CWC27: variants seen among roughly 807,000 people sequenced by gnomAD.
The protein encoded by CWC27 is spliceosome-associated protein CWC27 homolog.
In CWC27, 47 loss-of-function variants were observed where a neutral mutation model predicts 63.6. The observed-to-expected ratio is 0.74, with a 90% CI of 0.58 to 0.94. The LOEUF is 0.94. Among genes scored for constraint, CWC27 ranks in the 40% least tolerant of loss-of-function variants. The pLI, the probability that CWC27 is intolerant of heterozygous loss-of-function variation, is 0.00. For missense variants in CWC27, 495 were observed against 554.3 expected, an observed-to-expected ratio of 0.89 and a Z score of 1.07; for synonymous variants, 175 against 179.8, an observed-to-expected ratio of 0.97 and a Z score of 0.22.
chr5:64,963,688 AG>A (rs1159897879), intron 11 of CWC27, among the ~76,000 whole-genome samples: 2 of 152,200 alleles, frequency 1.3e-5, no homozygotes, highest in African/African-American at 4.8e-5. Context: ...CATGCAGTCC[AG>A]GTGGAATCTT....
chr5:64,792,996 A>T (rs951753473), intron 7 of CWC27, among the ~76,000 whole-genome samples: 1 of 152,156 alleles, frequency 6.6e-6, no homozygotes, highest in Admixed American at 6.6e-5. Flanking sequence ...AATATACTAT[A>T]CATTATAACT....
intron 11 of CWC27, among the ~76,000 whole-genome samples, chr5:64,930,836 A>G (rs924998462): frequency 9.9e-5 from 15 of 152,154 alleles, no homozygotes; most frequent in African/African-American, 2.7e-4. Context: ...AGAACATACA[A>G]TCACTTGTGT....
chr5:64,969,689 T>C (rs2112440465), intron 11 of CWC27, among the ~76,000 whole-genome samples: 1 of 151,648 alleles, frequency 6.6e-6, no homozygotes, highest in South Asian at 2.1e-4. Context: ...AAATATGATT[T>C]GTCCTCAAGG....
chr5:64,948,810 C>T (rs1242506379), intron 11 of CWC27, among the ~76,000 whole-genome samples: 1 of 151,922 alleles, frequency 6.6e-6, no homozygotes, highest in Non-Finnish European at 1.5e-5. Flanking sequence ...TCAAGAGACT[C>T]TTCCTCATTG....
chr5:64,946,146 T>A (rs1027759646), intron 11 of CWC27, among the ~76,000 whole-genome samples: 19 of 152,148 alleles, frequency 1.2e-4, no homozygotes, highest in Non-Finnish European at 1.9e-4. Context: ...GCTAATTAGA[T>A]TTGTAATTTT....
At chr5:64,796,875 C>T (rs1290354422) in intron 7 of CWC27, among the ~76,000 whole-genome samples, 2 of 140,352 alleles carry the variant, frequency 1.4e-5, no homozygotes, top group Non-Finnish European at 3.1e-5. Flanking sequence ...CTCCTTCCTT[C>T]CTTCTTTCCT....
At chr5:64,986,812 A>C (rs1411680511) in intron 13 of CWC27, among the ~76,000 whole-genome samples, 1 of 152,128 alleles carries the variant, frequency 6.6e-6, no homozygotes, top group Non-Finnish European at 1.5e-5. Flanking sequence ...CATTTGTTCC[A>C]GGTAAGCTGA....
At chr5:64,774,619 C>G in intron 1 of CWC27, 72 bp from the exon 2 acceptor site, 1 of 884,130 alleles carries the variant, frequency 1.1e-6, no homozygotes. Flanking sequence ...GTGATTGCTA[C>G]AAGTCAAATA....
chr5:64,836,520 A>T (rs1745661475), intron 10 of CWC27, among the ~76,000 whole-genome samples: 1 of 152,004 alleles, frequency 6.6e-6, no homozygotes, highest in African/African-American at 2.4e-5. Flanking sequence ...CTGTTTGCAG[A>T]AGTCCCAGGC....
At chr5:64,798,965 G>A (rs1465575348) in intron 7 of CWC27, among the ~76,000 whole-genome samples, 1 of 152,178 alleles carries the variant, frequency 6.6e-6, no homozygotes. Context: ...TAAGTTTGAG[G>A]TGTCCCACCC....
intron 11 of CWC27, among the ~76,000 whole-genome samples, chr5:64,945,567 C>T (rs1748576723): frequency 6.6e-6 from 1 of 151,962 alleles, no homozygotes; most frequent in African/African-American, 2.4e-5. Context: ...TTATTTTTTC[C>T]CCTGCCTTTT....
chr5:64,788,676 A>G (rs1743966498), intron 6 of CWC27, among the ~76,000 whole-genome samples: 1 of 152,000 alleles, frequency 6.6e-6, no homozygotes, highest in Admixed American at 6.6e-5. Context: ...TTTACTCAGT[A>G]AATTTAATGG....
intron 7 of CWC27, among the ~76,000 whole-genome samples, chr5:64,794,164 T>C (rs940099177): frequency 6.6e-6 from 1 of 152,116 alleles, no homozygotes; most frequent in African/African-American, 2.4e-5. Context: ...TAGGATTGCA[T>C]GATAGGGAGA....
At chr5:64,910,917 C>T (rs1049458319) in intron 11 of CWC27, among the ~76,000 whole-genome samples, 1 of 152,232 alleles carries the variant, frequency 6.6e-6, no homozygotes, top group South Asian at 2.1e-4. Flanking sequence ...CCAGGTGAGA[C>T]AATGGCCCAC....
chr5:64,941,649 C>G (rs183176484), intron 11 of CWC27, among the ~76,000 whole-genome samples: 66 of 152,124 alleles, frequency 4.3e-4, no homozygotes, highest in African/African-American at 1.5e-3. Context: ...ATTTTCTGAA[C>G]ATATGTGTAT....
At chr5:64,846,097 C>CA (rs1293251424) in intron 10 of CWC27, among the ~76,000 whole-genome samples, 1 of 152,126 alleles carries the variant, frequency 6.6e-6, no homozygotes, top group Non-Finnish European at 1.5e-5. Context: ...CGGAGGAAAA[C>CA]AAACACAAAA....
chr5:64,789,113 C>T (rs977914895), intron 7 of CWC27, 93 bp downstream of exon 7: 5 of 719,186 alleles, frequency 7.0e-6, no homozygotes, highest in Non-Finnish European at 1.1e-5. Context: ...TCTGGCACAG[C>T]ATGTTTTACA....
intron 13 of CWC27, among the ~76,000 whole-genome samples, chr5:65,013,885 G>GCTGATTTATATTAGA (rs1750006300): frequency 6.6e-6 from 1 of 152,086 alleles, no homozygotes; most frequent in Non-Finnish European, 1.5e-5. Context: ...GAAATGAATT[G>GCTGATTTATATTAGA]CTAATGTTGG....
intron 11 of CWC27, among the ~76,000 whole-genome samples, chr5:64,964,968 C>G (rs1439880566): frequency 1.3e-5 from 2 of 152,054 alleles, no homozygotes; most frequent in African/African-American, 4.8e-5. Flanking sequence ...TAGTAAAACT[C>G]AAAGATAGTT....
Sources: allele counts gnomAD v4.1 joint callset (sites outside exome capture counted in the v4.1 genomes callset), GRCh38; gene constraint gnomAD v4.1.1; transcripts MANE v1.5; gene names NCBI Gene and HGNC (gene_info 2026-07-23, HGNC 2026-07-21).